The following ITGBL1 variants were observed in gnomAD, a reference collection of about 807,000 sequenced individuals.
The protein encoded by ITGBL1 is integrin beta-like protein 1.
In ITGBL1, 51 loss-of-function variants were observed where a neutral mutation model predicts 68.5. The ratio of observed to expected loss-of-function variants is 0.74; its 90% CI spans 0.59 to 0.94. ITGBL1 has a LOEUF of 0.94. Among genes scored for constraint, ITGBL1 ranks in the 40% least tolerant of loss-of-function variants. The pLI, the probability that ITGBL1 is intolerant of heterozygous loss-of-function variation, is 0.00. For missense variants in ITGBL1, 649 were observed against 647.4 expected (o/e 1.00, Z -0.03); for synonymous variants, 209 against 227.3 (o/e 0.92, Z 0.72).
At chr13:101,653,475 A>G (rs2032817535) in intron 7 of ITGBL1, among the ~76,000 whole-genome samples, 1 of 152,072 alleles carries the variant, frequency 6.6e-6, no homozygotes, top group South Asian at 2.1e-4. Context: ...CATGACCAAA[A>G]TCAATCAACA....
At chr13:101,606,635 T>G (rs184578948) in intron 7 of ITGBL1, among the ~76,000 whole-genome samples, 1 of 152,054 alleles carries the variant, frequency 6.6e-6, no homozygotes, top group African/African-American at 2.4e-5. Context: ...TTAATTTGCA[T>G]CACATCTGAG....
chr13:101,553,248 T>C (rs868295275), intron 2 of ITGBL1, among the ~76,000 whole-genome samples: 1 of 152,202 alleles, frequency 6.6e-6, no homozygotes, highest in Non-Finnish European at 1.5e-5. Context: ...TATATACTTT[T>C]GTTAAGAACT....
intron 2 of ITGBL1, among the ~76,000 whole-genome samples, chr13:101,556,339 TAAGA>T (rs2050004839): frequency 6.6e-6 from 1 of 152,168 alleles, no homozygotes; most frequent in African/African-American, 2.4e-5. Flanking sequence ...GGTATCCTTA[TAAGA>T]AGAAGAAAAG....
chr13:101,656,996 T>G, intron 7 of ITGBL1, among the ~76,000 whole-genome samples: 1 of 151,900 alleles, frequency 6.6e-6, no homozygotes, highest in East Asian at 1.9e-4. Context: ...AGGGTACATG[T>G]GCACATTGTG....
At chr13:101,696,814 A>G (rs1475166077) in intron 8 of ITGBL1, among the ~76,000 whole-genome samples, 1 of 152,198 alleles carries the variant, frequency 6.6e-6, no homozygotes, top group Non-Finnish European at 1.5e-5. Flanking sequence ...TGAATAAATG[A>G]TCAAGTAAAG....
At chr13:101,612,337 G>C (rs2031170255) in intron 7 of ITGBL1, among the ~76,000 whole-genome samples, 1 of 152,086 alleles carries the variant, frequency 6.6e-6, no homozygotes, top group Non-Finnish European at 1.5e-5. Context: ...GAACTCTTTT[G>C]CCAAGATTTC....
At chr13:101,603,254 T>C (rs2030498180) in intron 7 of ITGBL1, among the ~76,000 whole-genome samples, 1 of 152,018 alleles carries the variant, frequency 6.6e-6, no homozygotes, top group African/African-American at 2.4e-5. Context: ...TCTGTCTTTT[T>C]GATTCTTTAG....
intron 10 of ITGBL1, 96 bp downstream of exon 10, chr13:101,714,647 G>C: frequency 1.3e-6 from 1 of 760,212 alleles, no homozygotes; most frequent in Non-Finnish European, 2.3e-6. Context: ...TGGACCAACA[G>C]GGCCAACCGT....
intron 2 of ITGBL1, among the ~76,000 whole-genome samples, chr13:101,470,909 T>TAA (rs5806219): frequency 6.6e-6 from 1 of 151,728 alleles, no homozygotes; most frequent in Non-Finnish European, 1.5e-5. Flanking sequence ...AATAAACAAA[T>TAA]ATCATCTTAC....
chr13:101,616,019 T>C (rs9585736), intron 7 of ITGBL1, among the ~76,000 whole-genome samples: 100 of 152,282 alleles, frequency 6.6e-4, no homozygotes, highest in African/African-American at 2.3e-3. Context: ...TGGTATATTT[T>C]ATAGCAGCTC....
At chr13:101,677,300 T>C (rs1405218791) in intron 7 of ITGBL1, among the ~76,000 whole-genome samples, 1 of 152,196 alleles carries the variant, frequency 6.6e-6, no homozygotes, top group African/African-American at 2.4e-5. Context: ...ATAATATGTG[T>C]AGGTCTATTT....
At position 101,671,437 on chromosome 13, in the gene ITGBL1, G is replaced by GTTTT. The variant is rs1491455482; in HGVS notation, c.1016-21142_1016-21139dup. ...AAAAGTATACCTTTGTTTTTTTTTT[G>GTTTT]TTTTTTTTTGTTTTTTTTTGAGACG... is the stretch of plus-strand genomic sequence containing the variant. On this transcript the variant is annotated intron_variant, in intron 7 of 10. Coordinates refer to ENST00000376180, the MANE Select transcript of ITGBL1 (RefSeq NM_004791.3). 2.3e-4 allele frequency among the ~76,000 whole-genome samples: 24 copies of GTTTT among 102,836 alleles called. 3 individuals are homozygous for GTTTT. The highest frequency in any genetic ancestry group is 4.0e-4 in the East Asian group (1 of 2,512). The allele number at this position is 102,836 out of a possible 152,430, so 67.5% of individuals were successfully genotyped here.
intron 2 of ITGBL1, among the ~76,000 whole-genome samples, chr13:101,468,661 T>G (rs184848464): frequency 3.3e-5 from 5 of 152,330 alleles, no homozygotes; most frequent in Admixed American, 3.3e-4. Context: ...AAAATATAAC[T>G]TCTTTTTGGA....
chr13:101,536,072 C>G (rs544502258), intron 2 of ITGBL1, among the ~76,000 whole-genome samples: 1 of 150,678 alleles, frequency 6.6e-6, no homozygotes, highest in East Asian at 2.0e-4. Flanking sequence ...TTAAATTATA[C>G]TTTAAGTTTT....
intron 2 of ITGBL1, among the ~76,000 whole-genome samples, chr13:101,517,564 T>A (rs1161726444): frequency 2.0e-5 from 3 of 152,076 alleles, no homozygotes; most frequent in Admixed American, 6.6e-5. Flanking sequence ...GCACTCAAAG[T>A]TTGAGAACCA....
At chr13:101,702,044 A>G (rs1221764386) in intron 8 of ITGBL1, among the ~76,000 whole-genome samples, 2 of 152,222 alleles carry the variant, frequency 1.3e-5, no homozygotes, top group African/African-American at 4.8e-5. Flanking sequence ...AAAAGTAGCC[A>G]TAGGTCTACT....
chr13:101,679,868 AAGAC>A (rs1356456616), intron 7 of ITGBL1, among the ~76,000 whole-genome samples: 1 of 152,226 alleles, frequency 6.6e-6, no homozygotes, highest in Non-Finnish European at 1.5e-5. Context: ...TAGACACTCT[AAGAC>A]AGAGAAGAGA....
intron 5 of ITGBL1, among the ~76,000 whole-genome samples, chr13:101,582,697 T>C (rs910716358): frequency 2.0e-5 from 3 of 152,168 alleles, no homozygotes; most frequent in Non-Finnish European, 4.4e-5. Context: ...TTCTTGACTT[T>C]CTCTTAGTTC....
intron 7 of ITGBL1, among the ~76,000 whole-genome samples, chr13:101,670,692 T>A (rs1402892836): frequency 1.3e-5 from 2 of 152,198 alleles, no homozygotes; most frequent in Non-Finnish European, 2.9e-5. Context: ...TGACTTCAAA[T>A]TAACTTTGGG....
Sources: allele counts gnomAD v4.1 joint callset (sites outside exome capture counted in the v4.1 genomes callset), GRCh38; gene constraint gnomAD v4.1.1; transcripts MANE v1.5; gene names NCBI Gene and HGNC (gene_info 2026-07-23, HGNC 2026-07-21).